THSD7B: variants seen among roughly 807,000 people sequenced by gnomAD.
THSD7B encodes thrombospondin type-1 domain-containing protein 7B.
Under a neutral mutation model 213.6 loss-of-function variants are expected in THSD7B, and 138 were observed. The ratio of observed to expected loss-of-function variants is 0.65; its 90% CI spans 0.56 to 0.74. The LOEUF (loss-of-function observed/expected upper bound fraction) is 0.74. THSD7B is among the 30% of genes least tolerant of loss of function. The pLI is 0.00. For synonymous variants in THSD7B, 742 were observed against 687.0 expected (o/e 1.08, Z -1.25); for missense variants, 1,931 against 1,991.5 (o/e 0.97, Z 0.58).
intron 7 of THSD7B, among the ~76,000 whole-genome samples, chr2:137,211,315 CAG>C (rs1324342336): frequency 7.4e-6 from 1 of 134,964 alleles, no homozygotes; most frequent in African/African-American, 2.8e-5. Context: ...GTCTATTCAA[CAG>C]ACTCTATCCT....
chr2:137,283,462 T>A (rs1683086288), intron 12 of THSD7B, among the ~76,000 whole-genome samples: 1 of 152,178 alleles, frequency 6.6e-6, no homozygotes, highest in South Asian at 2.1e-4. Flanking sequence ...AGAGAGGGCA[T>A]CCCTGTCTTG....
chr2:136,989,079 C>T (rs1422617019), intron 2 of THSD7B, among the ~76,000 whole-genome samples: 2 of 152,158 alleles, frequency 1.3e-5, no homozygotes, highest in Non-Finnish European at 2.9e-5. Context: ...GAGAAAATCT[C>T]TAGGAGCAGA....
At chr2:137,119,099 C>T (rs986123802) in intron 5 of THSD7B, among the ~76,000 whole-genome samples, 2 of 152,126 alleles carry the variant, frequency 1.3e-5, no homozygotes, top group African/African-American at 4.8e-5. Flanking sequence ...CACAGCCAAA[C>T]CATATCATGA....
intron 15 of THSD7B, among the ~76,000 whole-genome samples, chr2:137,502,729 T>C (rs78428254): frequency 1.4e-3 from 209 of 152,306 alleles, no homozygotes; most frequent in African/African-American, 4.9e-3. Flanking sequence ...GTGCTAAATA[T>C]ATTTTGTCAT....
intron 1 of THSD7B, among the ~76,000 whole-genome samples, chr2:136,854,867 G>A (rs1177954454): frequency 1.3e-5 from 2 of 152,036 alleles, no homozygotes; most frequent in African/African-American, 4.8e-5. Flanking sequence ...AGTATCTGTA[G>A]CGTCTCTCTC....
At chr2:137,602,382 G>C (rs1682091510) in intron 17 of THSD7B, among the ~76,000 whole-genome samples, 1 of 151,894 alleles carries the variant, frequency 6.6e-6, no homozygotes, top group Admixed American at 6.6e-5. Context: ...CGATTCCCCT[G>C]CCTCAGCCTC....
chr2:136,917,802 A>C (rs1213995242), intron 2 of THSD7B, among the ~76,000 whole-genome samples: 1 of 152,246 alleles, frequency 6.6e-6, no homozygotes, highest in African/African-American at 2.4e-5. Context: ...GTGAACTGAC[A>C]TCATTAGAGT....
intron 3 of THSD7B, among the ~76,000 whole-genome samples, chr2:137,063,708 A>G (rs1183041484): frequency 6.6e-6 from 1 of 151,984 alleles, no homozygotes; most frequent in Non-Finnish European, 1.5e-5. Context: ...ACCAGCCTCT[A>G]TTCTCTAGCT....
rs940233447 is a variant in THSD7B, at chr2:137,620,136, T to C, written c.3682-473T>C. Among the ~76,000 whole-genome samples the C allele has an allele frequency of 5.3e-5, 8 of 152,202 alleles. No individual in the cohort carries two copies. The South Asian group carries it at 6.2e-4, about 12-fold the overall frequency. On this transcript the variant is annotated intron_variant, in intron 19 of 27. Coordinates refer to ENST00000409968, the MANE Select transcript of THSD7B (RefSeq NM_001316349.2). ...ACTTGACCCATCGTTACGACCATGA[T>C]TGTTTTTAGCCCAGGCTTTTTTATA...
At chr2:136,803,666 A>G (rs1682229566) in intron 1 of THSD7B, among the ~76,000 whole-genome samples, 1 of 152,226 alleles carries the variant, frequency 6.6e-6, no homozygotes, top group African/African-American at 2.4e-5. Context: ...GATTTATTAT[A>G]GGAATTGGCT....
chr2:137,187,207 AC>A (rs1433119200), intron 7 of THSD7B, among the ~76,000 whole-genome samples: 1 of 152,126 alleles, frequency 6.6e-6, no homozygotes, highest in Non-Finnish European at 1.5e-5. Flanking sequence ...TGTCTTAGGA[AC>A]TGCTCTGCGA....
intron 12 of THSD7B, among the ~76,000 whole-genome samples, chr2:137,279,144 AT>A (rs778597708): frequency 6.6e-6 from 1 of 152,194 alleles, no homozygotes; most frequent in South Asian, 2.1e-4. Flanking sequence ...CAGTAAAAAA[AT>A]AATTGACTCA....
At chr2:137,270,647 A>G (rs1378848428) in intron 10 of THSD7B, among the ~76,000 whole-genome samples, 1 of 152,172 alleles carries the variant, frequency 6.6e-6, no homozygotes, top group Admixed American at 6.5e-5. Flanking sequence ...TGTAGCAGGA[A>G]GGTGGGTGGT....
chr2:137,536,402 A>G (rs1392336724), intron 15 of THSD7B, among the ~76,000 whole-genome samples: 2 of 151,610 alleles, frequency 1.3e-5, no homozygotes, highest in Non-Finnish European at 3.0e-5. Context: ...TAAAGAAAGA[A>G]TAGTACTTAG....
At chr2:137,397,450 C>T (rs1484799995) in intron 12 of THSD7B, among the ~76,000 whole-genome samples, 3 of 152,056 alleles carry the variant, frequency 2.0e-5, no homozygotes, top group African/African-American at 7.2e-5. Flanking sequence ...ATATGAAATT[C>T]TGGGTTGAAA....
At chr2:137,490,690 T>C (rs771334995) in intron 15 of THSD7B, among the ~76,000 whole-genome samples, 10 of 152,168 alleles carry the variant, frequency 6.6e-5, no homozygotes, top group Non-Finnish European at 1.0e-4. Flanking sequence ...CACTCAGAAA[T>C]GCCAGCTGAA....
intron 1 of THSD7B, among the ~76,000 whole-genome samples, chr2:136,776,896 CA>C (rs1382900562): frequency 1.3e-5 from 2 of 151,896 alleles, no homozygotes; most frequent in African/African-American, 2.4e-5. Flanking sequence ...AGAAAACATA[CA>C]GATATTTGAA....
intron 6 of THSD7B, among the ~76,000 whole-genome samples, chr2:137,165,984 G>T (rs1680121057): frequency 6.6e-6 from 1 of 152,208 alleles, no homozygotes; most frequent in African/African-American, 2.4e-5. Context: ...TGGGAAAGTA[G>T]GAAATGTTTT....
At chr2:136,997,566 G>T (rs1370094884) in intron 2 of THSD7B, among the ~76,000 whole-genome samples, 1 of 152,190 alleles carries the variant, frequency 6.6e-6, no homozygotes, top group Non-Finnish European at 1.5e-5. Flanking sequence ...CGGGGCATAA[G>T]TGCCACCAGA....
Sources: gnomAD v4.1 joint callset for allele counts (sites outside exome capture counted in the v4.1 genomes callset) on GRCh38, gnomAD v4.1.1 for gene constraint, MANE v1.5 for transcripts, NCBI Gene and HGNC (gene_info 2026-07-23, HGNC 2026-07-21) for gene names.